C2CD5: variants seen among roughly 807,000 people sequenced by gnomAD.
C2CD5 encodes the protein C2 calcium dependent domain containing 5.
Under a neutral mutation model 130.3 loss-of-function variants are expected in C2CD5, and 109 were observed. The observed-to-expected ratio is 0.84, with a 90% CI of 0.72 to 0.98. The LOEUF (loss-of-function observed/expected upper bound fraction) is 0.98, where lower values mean the gene tolerates loss of function less well. Ranked by LOEUF, C2CD5 falls within the 50% of genes least tolerant of loss-of-function variation. C2CD5 has a pLI of 0.00. For missense variants in C2CD5, 996 were observed against 1,261.8 expected (o/e 0.79, Z 3.19); for synonymous variants, 454 against 429.2 (o/e 1.06, Z -0.71).
rs374229654 is a variant in C2CD5 at position 22,516,103 on chromosome 12, T to C, written c.952+1883A>G. ...AAATGTTATTAACTTTATTCTACTT[T>C]TGGATTCCCAAATAAATTATAATCA... On this transcript the variant is annotated intron_variant, in intron 8 of 26. Transcript: ENST00000446597. Among the ~76,000 whole-genome samples, 14 of 151,974 alleles carry C rather than the reference T, an allele frequency of 9.2e-5. No individual in the cohort carries two copies. The East Asian group carries it at 1.9e-3, about 21-fold the overall frequency.
chr12:22,457,474 A>C (rs997733704), intron 24 of C2CD5, among the ~76,000 whole-genome samples: 3 of 152,180 alleles, frequency 2.0e-5, no homozygotes, highest in Admixed American at 2.0e-4. Context: ...GAGCATTAAA[A>C]TTATCTGCTG....
At position 22,454,569 on chromosome 12, in the gene C2CD5, ATT is replaced by A. The variant is rs5796959; in HGVS notation, c.2878-529_2878-528del. Among the ~76,000 whole-genome samples the A allele has an allele frequency of 8.2e-3, 1,118 of 135,654 alleles. 12 individuals are homozygous for A. The highest frequency in any genetic ancestry group is 0.025 in the African/African-American group (905 of 36,674). 89.0% of individuals were successfully genotyped at this position (135,654 alleles called of 152,430 possible). A position where few individuals can be genotyped will look rare whatever the true frequency, so the allele number is the denominator to read the frequency against. ...CACATGTTGCTCCTGCAGACTTTTC[ATT>A]TTTTTTTTTTTTTTCAGAGAACAAC... On this transcript the variant is annotated intron_variant, in intron 25 of 26. Coordinates refer to ENST00000446597, the MANE Select transcript of C2CD5 (RefSeq NM_001286176.2).
At chr12:22,497,907 T>TACACACACACAC (rs3063916) in intron 10 of C2CD5, among the ~76,000 whole-genome samples, 23 of 145,720 alleles carry the variant, frequency 1.6e-4, no homozygotes, top group Middle Eastern at 6.9e-3. Context: ...TGCACACACA[T>TACACACACACAC]ACACACACAC....
At chr12:22,450,327 T>C (rs1938305523) in intron 26 of C2CD5, among the ~76,000 whole-genome samples, 1 of 152,124 alleles carries the variant, frequency 6.6e-6, no homozygotes, top group African/African-American at 2.4e-5. Flanking sequence ...CATGTATATG[T>C]GTTCCCTAGA....
intron 11 of C2CD5, among the ~76,000 whole-genome samples, chr12:22,491,534 T>C (rs1254666574): frequency 6.6e-6 from 1 of 152,162 alleles, no homozygotes; most frequent in Non-Finnish European, 1.5e-5. Context: ...TACATCATAA[T>C]TATCCAGTAG....
At chr12:22,497,648 G>A in intron 10 of C2CD5, 1 of 893,636 alleles carries the variant, frequency 1.1e-6, no homozygotes, top group Non-Finnish European at 1.3e-6. Flanking sequence ...AGAAATTAGA[G>A]AGTTCAGGTT....
intron 3 of C2CD5, among the ~76,000 whole-genome samples, chr12:22,529,481 A>G (rs1951018031): frequency 6.6e-6 from 1 of 152,158 alleles, no homozygotes. Flanking sequence ...AGGGGGTGCT[A>G]TACTAACAAC....
chr12:22,471,311 T>C, intron 20 of C2CD5, 88 bp downstream of exon 20: 1 of 771,982 alleles, frequency 1.3e-6, no homozygotes. Context: ...TATATGTTTA[T>C]TTAATTACGG....
chr12:22,502,698 T>C (rs1055200799), intron 10 of C2CD5: 71 of 1,152,014 alleles, frequency 6.2e-5, no homozygotes, highest in Non-Finnish European at 8.3e-5. Context: ...GCTGCCATAA[T>C]TTTTGTCAGC....
chr12:22,461,640 TGGA>T (rs1317479472), intron 22 of C2CD5, among the ~76,000 whole-genome samples: 1 of 152,052 alleles, frequency 6.6e-6, no homozygotes, highest in Non-Finnish European at 1.5e-5. Context: ...GGGAAGGAAA[TGGA>T]GAAGAGAGCT....
chr12:22,496,007 A>G (rs1032354942), intron 10 of C2CD5, among the ~76,000 whole-genome samples: 1 of 152,124 alleles, frequency 6.6e-6, no homozygotes, highest in Non-Finnish European at 1.5e-5. Flanking sequence ...CTTAATCACA[A>G]ACTGGTAATT....
intron 5 of C2CD5, 55 bp from the exon 6 acceptor site, chr12:22,524,682 A>T (rs1047407355): frequency 1.4e-6 from 2 of 1,390,982 alleles, no homozygotes; most frequent in Non-Finnish European, 2.0e-6. Flanking sequence ...CTCAATTTTT[A>T]AAAAATGTAC....
At position 22,472,801 on chromosome 12, in the gene C2CD5, C is replaced by A; in HGVS notation, c.2050G>T (p.Asp684Tyr). 1 of 1,544,364 alleles carries A rather than the reference C, an allele frequency of 6.5e-7. No individual in the cohort carries two copies. Among genetic ancestry groups the A allele is most frequent in the South Asian group, 1.1e-5 (1 of 89,480 alleles). ...TGGACATCTTCCATGGCATCTGTGTCATCAATCTTAAAATAGAGATTAAAA... is the reference window on the plus strand; with the variant it reads ...TGGACATCTTCCATGGCATCTGTGTAATCAATCTTAAAATAGAGATTAAAA... ...KKDAFVLEIDDTDAMEDVHSL... is the reference protein window; with the variant it reads ...KKDAFVLEIDYTDAMEDVHSL... Residue 684 changes from aspartate to tyrosine, a missense_variant, in exon 17 of 27, where the codon GAC becomes TAC. Coordinates refer to ENST00000446597, the MANE Select transcript of C2CD5 (RefSeq NM_001286176.2).
intron 14 of C2CD5, among the ~76,000 whole-genome samples, chr12:22,481,650 T>A (rs1346465158): frequency 3.8e-5 from 4 of 105,536 alleles, no homozygotes; most frequent in Non-Finnish European, 8.3e-5. Flanking sequence ...GAAACACACC[T>A]TTTTTTTTTT....
rs1289622851 is a variant in C2CD5 at position 22,478,355 on chromosome 12, GTCATTTA to G, written c.1853_1859del (p.Ile618ThrfsTer22). The G allele has an allele frequency of 1.2e-6, 2 of 1,613,150 alleles. No homozygotes were observed. Among genetic ancestry groups the G allele is most frequent in the Non-Finnish European group, 8.5e-7 (1 of 1,179,274 alleles). ...ATAACTCTTTGTTTTTAGCAATTGT[GTCATTTA>G]TCTTCTTCTGCATATGAGAGATGTG... is the stretch of plus-strand genomic sequence containing the variant. On this transcript the variant is annotated frameshift_variant, in exon 15 of 27. Transcript: ENST00000446597. LOFTEE classifies it high-confidence loss of function.
chr12:22,515,860 T>A (rs1246344883), intron 8 of C2CD5, among the ~76,000 whole-genome samples: 1 of 151,940 alleles, frequency 6.6e-6, no homozygotes, highest in Admixed American at 6.6e-5. Context: ...TAAAAAAAAT[T>A]AGCTAAAATC....
At chr12:22,472,929 C>G in intron 16 of C2CD5, 122 bp from the exon 17 acceptor site, 6 of 630,114 alleles carry the variant, frequency 9.5e-6, no homozygotes, top group Non-Finnish European at 1.4e-5. Context: ...AAATATGTAA[C>G]AAGAAAAAAA....
chr12:22,499,230 G>C (rs1173345273), intron 10 of C2CD5, among the ~76,000 whole-genome samples: 1 of 152,000 alleles, frequency 6.6e-6, no homozygotes, highest in African/African-American at 2.4e-5. Flanking sequence ...TCTTTCTCTT[G>C]TCTTGAAAGC....
chr12:22,510,484 T>G lies in C2CD5; in HGVS notation c.1038+2810A>C, dbSNP rs542980204. Among the ~76,000 whole-genome samples, 12 of 152,340 alleles carry G rather than the reference T, an allele frequency of 7.9e-5. No homozygotes were observed. The South Asian group carries it at 2.5e-3, about 32-fold the overall frequency. ...GGGAGTATTCTTTTAAAAAGAGATT[T>G]AAATAGGATTTTTCTTAGGAGCTAT... On this transcript the variant is annotated intron_variant, in intron 9 of 26. Coordinates refer to ENST00000446597, the MANE Select transcript of C2CD5 (RefSeq NM_001286176.2).
Sources: allele counts gnomAD v4.1 joint callset (sites outside exome capture counted in the v4.1 genomes callset), GRCh38; gene constraint gnomAD v4.1.1; transcripts MANE v1.5; gene names NCBI Gene and HGNC (gene_info 2026-07-23, HGNC 2026-07-21).